Variants in TLR1 observed in about 807,000 individuals in gnomAD.
The protein encoded by TLR1 is toll like receptor 1.
TLR1 carries 19 observed loss-of-function variants against 20.2 expected under a neutral mutation model. That is an observed-to-expected ratio of 0.94 (90% CI 0.66 to 1.38). The LOEUF (loss-of-function observed/expected upper bound fraction) is 1.38, where lower values mean the gene tolerates loss of function less well. TLR1 is among the 40% of genes most tolerant of loss of function. TLR1 has a pLI of 0.00. For synonymous variants in TLR1, 320 were observed against 334.5 expected, an observed-to-expected ratio of 0.96 and a Z score of 0.47; for missense variants, 921 against 910.0, an observed-to-expected ratio of 1.01 and a Z score of -0.16.
At chr4:38,790,915 G>A (rs896093347) in exon 4 of TLR1, 2 of 152,220 alleles carry the variant, frequency 1.3e-5, no homozygotes, top group African/African-American at 4.8e-5. Flanking sequence ...AGGTCTGCCT[G>A]TGACTATATA....
At position 38,796,772 on chromosome 4, in the gene TLR1, A is replaced by G. The variant is rs753553782; in HGVS notation, c.2060T>C (p.Ile687Thr). 23 of 1,614,144 alleles carry G rather than the reference A, an allele frequency of 1.4e-5. No individual in the cohort carries two copies. Among genetic ancestry groups the G allele is most frequent in the Non-Finnish European group, 5.9e-6 (7 of 1,180,066 alleles). ...AAAGATGGACTTGTAACTCTTCTCAATGCAGGTGATGATATTTTCCACAAT... is the reference window on the plus strand; with the variant it reads ...AAAGATGGACTTGTAACTCTTCTCAGTGCAGGTGATGATATTTTCCACAAT... Reference protein sequence around the residue: ...KSIVENIITCIEKSYKSIFVL... With the variant: ...KSIVENIITCTEKSYKSIFVL... The change falls in exon 4 of 4, where the codon ATT becomes ACT. Residue 687 changes from isoleucine to threonine, a missense_variant. By Grantham distance (89) the Ile-to-Thr change is moderately conservative. Transcript: ENST00000308979.
chr4:38,801,756 C>T (rs1300674504), intron 2 of TLR1, among the ~76,000 whole-genome samples: 1 of 152,206 alleles, frequency 6.6e-6, no homozygotes, highest in Non-Finnish European at 1.5e-5. Context: ...TTAACAACAG[C>T]TATCATCACA....
At position 38,800,870 on chromosome 4, in the gene TLR1, T is replaced by C. The variant is rs1444272319; in HGVS notation, c.-81A>G. On this transcript the variant is annotated 5_prime_UTR_variant, in exon 3 of 4. Coordinates refer to ENST00000308979, the MANE Select transcript of TLR1 (RefSeq NM_003263.4). ...CCTTGGACTTACCCTTTTGTAGGGGTGCCCAATATGCCTTTGTTATCCTGA... is the reference window on the plus strand; with the variant it reads ...CCTTGGACTTACCCTTTTGTAGGGGCGCCCAATATGCCTTTGTTATCCTGA... 6.6e-6 allele frequency: 1 copy of C among 152,640 alleles called. No homozygotes were observed. Among genetic ancestry groups the C allele is most frequent in the Non-Finnish European group, 1.5e-5 (1 of 68,024 alleles). The allele number at this position is 152,640 out of a possible 1,614,324, so 9.5% of individuals were successfully genotyped here. A position where few individuals can be genotyped will look rare whatever the true frequency, so the allele number is the denominator to read the frequency against.
rs184834731 is a variant in TLR1 at position 38,797,582 on chromosome 4, C to A, written c.1250G>T (p.Gly417Val). 1.3e-5 allele frequency: 21 copies of A among 1,613,690 alleles called. No individual in the cohort carries two copies. In the East Asian group the frequency reaches 4.7e-4, roughly 36 times the overall value. The change falls in exon 4 of 4, where the codon GGA becomes GTA. Residue 417 changes from glycine (G) to valine (V), a missense_variant. Transcript: ENST00000308979. ...QNSVSYDEKK[G>V]DCSWTKSLLS... ...TAAACTTTTAGTCCAAGAACAGTCT[C>A]CTTTCTTTTCATCATAGCTTACAGA...
downstream of TLR1, among the ~76,000 whole-genome samples, chr4:38,792,588 A>AT (rs1379750883): frequency 2.6e-5 from 4 of 151,926 alleles, no homozygotes; most frequent in East Asian, 3.9e-4. Context: ...GGCCCTATAC[A>AT]TTTTTTTAAA....
chr4:38,794,740 G>A (rs1215616884), downstream of TLR1: 2 of 151,102 alleles, frequency 1.3e-5, no homozygotes, highest in Admixed American at 1.3e-4. Flanking sequence ...TTTTATTTTA[G>A]TTATTTGGAT....
In TLR1 at chr4:38,796,449, T is replaced by C; in HGVS notation, c.*22A>G. Reference sequence around the variant, plus strand: ...AAAGCAGCAATATCAACAGGAGGAATATTTTTCACTTGATGTGTAATCTAT... The same window carrying C: ...AAAGCAGCAATATCAACAGGAGGAACATTTTTCACTTGATGTGTAATCTAT... On this transcript the variant is annotated 3_prime_UTR_variant, in exon 4 of 4. Transcript: ENST00000308979. The C allele has an allele frequency of 6.3e-7, 1 of 1,595,174 alleles. No individual in the cohort carries two copies. The highest frequency in any genetic ancestry group is 8.6e-7 in the Non-Finnish European group (1 of 1,167,202).
downstream of TLR1, among the ~76,000 whole-genome samples, chr4:38,787,695 G>A (rs1357263481): frequency 6.6e-6 from 1 of 151,932 alleles, no homozygotes; most frequent in African/African-American, 2.4e-5. Context: ...TAATGTCTTT[G>A]AAATTTGGTG....
Position 38,796,633 on chromosome 4 carries a change from G to C in TLR1, c.2199C>G (p.Pro733=), listed in dbSNP as rs752691684. 2.5e-6 allele frequency: 4 copies of C among 1,614,176 alleles called. No homozygotes were observed. In the South Asian group the frequency reaches 4.4e-5, roughly 18 times the overall value. The change falls in exon 4 of 4, where the codon CCC becomes CCG. Residue 733 remains proline, a synonymous_variant. Coordinates refer to ENST00000308979, the MANE Select transcript of TLR1 (RefSeq NM_003263.4). ...SNSLILILLE[P]IPQYSIPSSY... is the part of the protein sequence containing the mutation. ...TGCTAGGAATGGAGTACTGCGGAAT[G>C]GGTTCCAGCAAGATCAGGATTAAGC...
chr4:38,799,078 C>A (rs113197508), intron 3 of TLR1, among the ~76,000 whole-genome samples, 180 bp from the exon 4 acceptor site: 3 of 152,176 alleles, frequency 2.0e-5, no homozygotes, highest in African/African-American at 2.4e-5. Flanking sequence ...ATGATGCCAG[C>A]TCTAATCAAA....
chr4:38,790,553 G>C (rs1725691658), downstream of TLR1: 1 of 152,058 alleles, frequency 6.6e-6, no homozygotes, highest in Non-Finnish European at 1.5e-5. Flanking sequence ...TCAAGAGAAA[G>C]TGCCTTGGTT....
In TLR1 at chr4:38,797,555, A is replaced by C; in HGVS notation, c.1277T>G (p.Leu426Ter). The change falls in exon 4 of 4, where the codon TTA (leucine) becomes TGA (stop). Residue 426 changes from leucine (L) to a stop codon, truncating the protein, a stop_gained. Coordinates refer to ENST00000308979, the MANE Select transcript of TLR1 (RefSeq NM_003263.4). LOFTEE classifies it high-confidence loss of function. ...KGDCSWTKSL[L>*]SLNMSSNILT... ...TATATTTGAAGACATATTTAAACTT[A>C]ATAAACTTTTAGTCCAAGAACAGTC... The C allele has an allele frequency of 2.5e-6, 4 of 1,613,568 alleles. No homozygotes were observed. Among genetic ancestry groups the C allele is most frequent in the Non-Finnish European group, 3.4e-6 (4 of 1,179,908 alleles).
downstream of TLR1, among the ~76,000 whole-genome samples, chr4:38,792,219 C>A (rs546920160): frequency 6.6e-6 from 1 of 152,280 alleles, no homozygotes; most frequent in South Asian, 2.1e-4. Context: ...CAAAGCCCAG[C>A]TTTATAACCT....
chr4:38,795,323 A>T (rs1725968929), downstream of TLR1, among the ~76,000 whole-genome samples: 1 of 152,146 alleles, frequency 6.6e-6, no homozygotes, highest in Non-Finnish European at 1.5e-5. Context: ...TTTTGTCAAG[A>T]CTACACCTGC....
At position 38,796,377 on chromosome 4, in the gene TLR1, G is replaced by A; in HGVS notation, c.*94C>T. The A allele has an allele frequency of 7.2e-7, 1 of 1,379,426 alleles. No homozygotes were observed. 85.4% of individuals were successfully genotyped at this position (1,379,426 alleles called of 1,614,324 possible). On this transcript the variant is annotated 3_prime_UTR_variant, in exon 4 of 4. Coordinates refer to ENST00000308979, the MANE Select transcript of TLR1 (RefSeq NM_003263.4). ...ACCTACATCATACACTCACAATTGT[G>A]TTTACATCTATGCTGATGCAAAATA...
At chr4:38,793,871 T>C (rs748732649), downstream of TLR1, among the ~76,000 whole-genome samples, 1 of 151,040 alleles carries the variant, frequency 6.6e-6, no homozygotes, top group East Asian at 1.9e-4. Context: ...TCCAATGTAA[T>C]TGGTGTCCTT....
At position 38,796,804 on chromosome 4, in the gene TLR1, G is replaced by T. The variant is rs41311400; in HGVS notation, c.2028C>A (p.Gly676=). ...TGATGATATTTTCCACAATGCTCTTGCCAGGAACAAAGTTTCTCTCATGAA... is the reference window on the plus strand; with the variant it reads ...TGATGATATTTTCCACAATGCTCTTTCCAGGAACAAAGTTTCTCTCATGAA... ...ICLHERNFVP[G]KSIVENIITC... is the part of the protein sequence containing the mutation. Residue 676 remains glycine (G), a synonymous_variant, in exon 4 of 4, where the codon GGC becomes GGA. Transcript: ENST00000308979. 6.2e-7 allele frequency: 1 copy of T among 1,614,072 alleles called. No individual in the cohort carries two copies. The highest frequency in any genetic ancestry group is 1.3e-5 in the African/African-American group (1 of 74,918).
At position 38,798,348 on chromosome 4, in the gene TLR1, A is replaced by G. The variant is rs1248751018; in HGVS notation, c.484T>C (p.Leu162=). 1.9e-6 allele frequency: 3 copies of G among 1,613,964 alleles called. No homozygotes were observed. The highest frequency in any genetic ancestry group is 2.5e-6 in the Non-Finnish European group (3 of 1,179,956). ...ACCAGCAAGACCTTGCTGATATTCA[A>G]ATGAGCAATTGGCAGCACACTAGAT... is the stretch of plus-strand genomic sequence containing the variant. ...EKSSVLPIAH[L]NISKVLLVLG... The change falls in exon 4 of 4, where the codon TTG becomes CTG. Residue 162 remains leucine (L), a synonymous_variant. Coordinates refer to ENST00000308979, the MANE Select transcript of TLR1 (RefSeq NM_003263.4).
chr4:38,793,857 C>T (rs966894703), downstream of TLR1, among the ~76,000 whole-genome samples: 1 of 151,428 alleles, frequency 6.6e-6, no homozygotes, highest in African/African-American at 2.4e-5. Flanking sequence ...AGAGTGGGCC[C>T]TAATCCAATG....
Sources: allele counts gnomAD v4.1 joint callset (sites outside exome capture counted in the v4.1 genomes callset), GRCh38; gene constraint gnomAD v4.1.1; transcripts MANE v1.5; gene names NCBI Gene and HGNC (gene_info 2026-07-23, HGNC 2026-07-21).